The following CFAP47 variants were observed in gnomAD, a reference collection of about 807,000 sequenced individuals.
CFAP47 encodes cilia and flagella associated protein 47, also known as cilia- and flagella-associated protein 47.
A neutral mutation model predicts 148.1 loss-of-function variants in CFAP47; 29 were observed. The ratio of observed to expected loss-of-function variants is 0.20; its 90% confidence interval spans 0.15 to 0.27. The LOEUF is 0.27. CFAP47 is among the 10% of genes least tolerant of loss of function. CFAP47 has a pLI of 1.00. For synonymous variants in CFAP47, 664 were observed against 577.3 expected (o/e 1.15, Z -2.15); for missense variants, 1,872 against 1,697.5 (o/e 1.10, Z -1.81).
intron 30 of CFAP47, among the ~76,000 whole-genome samples, chrX:36,093,345 G>T (rs753697184): frequency 9.0e-6 from 1 of 111,263 alleles, no homozygotes; most frequent in Admixed American, 9.5e-5. Context: ...CTTTTCTCTG[G>T]AATGGTTGTA....
intron 45 of CFAP47, among the ~76,000 whole-genome samples, chrX:36,215,754 G>A (rs1255526349): frequency 9.0e-6 from 1 of 111,650 alleles, no homozygotes; most frequent in African/African-American, 3.3e-5. Flanking sequence ...CAGGCTGAAG[G>A]CAGCTGGTGC....
At chrX:36,042,114 A>G (rs1409022548) in intron 25 of CFAP47, among the ~76,000 whole-genome samples, 1 of 111,124 alleles carries the variant, frequency 9.0e-6, no homozygotes, top group East Asian at 2.8e-4. Context: ...TAAATCATTC[A>G]TGGAAAAACT....
intron 57 of CFAP47, among the ~76,000 whole-genome samples, chrX:36,335,457 TG>T (rs782385870): frequency 8.9e-6 from 1 of 111,865 alleles, no homozygotes; most frequent in South Asian, 3.7e-4. Flanking sequence ...CCAAGAACTA[TG>T]AATATTACCT....
intron 45 of CFAP47, among the ~76,000 whole-genome samples, chrX:36,216,411 C>T (rs1555990176): frequency 1.8e-5 from 2 of 111,457 alleles, no homozygotes; most frequent in African/African-American, 6.5e-5. Flanking sequence ...CCACCAGTCT[C>T]CCATGTCCTA....
chrX:36,033,433 T>C (rs1385083511), intron 23 of CFAP47, among the ~76,000 whole-genome samples: 1 of 111,932 alleles, frequency 8.9e-6, no homozygotes, highest in Non-Finnish European at 1.9e-5. Flanking sequence ...TAGATAACTG[T>C]ATCATTTCAT....
At chrX:36,022,056 CCTT>C (rs1406531579) in intron 22 of CFAP47, 3 of 110,984 alleles carry the variant, frequency 2.7e-5, no homozygotes, top group Non-Finnish European at 5.7e-5. Context: ...TTGTCTGTGT[CCTT>C]CTTATTCCCG....
chrX:36,046,290 A>G (rs1380321968), intron 25 of CFAP47, among the ~76,000 whole-genome samples: 1 of 110,677 alleles, frequency 9.0e-6, no homozygotes, highest in Non-Finnish European at 1.9e-5. Flanking sequence ...ACATATTTTT[A>G]TATTAAAAAT....
At chrX:36,043,743 C>A (rs1473304019) in intron 25 of CFAP47, among the ~76,000 whole-genome samples, 1 of 111,300 alleles carries the variant, frequency 9.0e-6, no homozygotes, top group Non-Finnish European at 1.9e-5. Context: ...ATGGTGCAAG[C>A]TGTTGGTGGT....
intron 25 of CFAP47, among the ~76,000 whole-genome samples, chrX:36,042,074 A>G (rs775144563): frequency 9.0e-6 from 1 of 111,522 alleles, no homozygotes; most frequent in Non-Finnish European, 1.9e-5. Context: ...ATTTTCATAG[A>G]CTGAGAATAA....
At position 36,384,920 on chromosome X, in the gene CFAP47, C is replaced by G; in HGVS notation, c.9478C>G (p.His3160Asp). The G allele has an allele frequency of 8.6e-7, 1 of 1,166,114 alleles. No homozygotes were observed. The highest frequency in any genetic ancestry group is 1.9e-5 in the South Asian group (1 of 52,691). The stretch of plus-strand genomic sequence containing the variant: ...ACATGACAACATGCCAGTCCGTCCA[C>G]ATAATTTTGTCCGTGAAAATACTAA... ...KTHDNMPVRP[H>D]NFVRENTKLI... The change falls in exon 64 of 64, where the codon CAT becomes GAT. Residue 3160 changes from histidine to aspartate, a missense_variant. By Grantham distance (81) the His-to-Asp change is moderately conservative (BLOSUM62 -1). Transcript: ENST00000378653.
chrX:36,155,718 G>T (rs1456433350), intron 37 of CFAP47, among the ~76,000 whole-genome samples: 1 of 110,914 alleles, frequency 9.0e-6, no homozygotes, highest in African/African-American at 3.3e-5. Context: ...TGTGGATAAG[G>T]CTATGTACCC....
chrX:35,971,904 A>T lies in CFAP47; in HGVS notation c.2193A>T (p.Pro731=). The change falls in exon 13 of 64, where the codon CCA becomes CCT. Residue 731 remains proline (P), a synonymous_variant. Coordinates refer to ENST00000378653, the MANE Select transcript of CFAP47 (RefSeq NM_001304548.2). ...GACTTAAATCAGAACCATCCACTCC[A>T]CAAGAAAAACATGATTGCAGCTTAA... The part of the protein sequence containing the change: ...LKGLKSEPST[P]QEKHDCSLML... 1 of 1,201,835 alleles carries T rather than the reference A, an allele frequency of 8.3e-7. No homozygotes were observed. The highest frequency in any genetic ancestry group is 3.0e-5 in the East Asian group (1 of 33,511).
intron 53 of CFAP47, among the ~76,000 whole-genome samples, chrX:36,302,790 T>C (rs1387140874): frequency 8.9e-6 from 1 of 112,104 alleles, no homozygotes; most frequent in African/African-American, 3.2e-5. Flanking sequence ...GAAAACTTCG[T>C]GCATTTATTA....
At chrX:36,371,557 A>ATGTGTATATATG (rs1941935232) in intron 62 of CFAP47, among the ~76,000 whole-genome samples, 2 of 101,598 alleles carry the variant, frequency 2.0e-5, no homozygotes, top group African/African-American at 7.1e-5. Context: ...GTGTATATAT[A>ATGTGTATATATG]TGTGTATATA....
intron 2 of CFAP47, among the ~76,000 whole-genome samples, chrX:35,934,427 T>G (rs748811793): frequency 9.0e-6 from 1 of 110,674 alleles, no homozygotes; most frequent in South Asian, 3.9e-4. Context: ...TGGTGAATGT[T>G]GTTTGGCCTG....
intron 16 of CFAP47, among the ~76,000 whole-genome samples, chrX:35,990,481 T>C (rs1260807182): frequency 9.1e-6 from 1 of 110,356 alleles, no homozygotes; most frequent in Non-Finnish European, 1.9e-5. Context: ...GGAGGGGGAG[T>C]CCTGACCTTA....
intron 2 of CFAP47, among the ~76,000 whole-genome samples, chrX:35,929,769 C>T (rs1935797751): frequency 9.0e-6 from 1 of 111,101 alleles, no homozygotes; most frequent in Admixed American, 9.6e-5. Context: ...GAGGCTGAGG[C>T]AGGCGGATCA....
chrX:35,948,478 A>C (rs778663632), intron 4 of CFAP47, 26 bp downstream of exon 4: 2 of 1,116,939 alleles, frequency 1.8e-6, no homozygotes. Flanking sequence ...GGTTCTAAAA[A>C]TTATAATACA....
intron 40 of CFAP47, among the ~76,000 whole-genome samples, chrX:36,181,312 G>A (rs16987403): frequency 0.076 from 8,416 of 111,204 alleles, 350 homozygotes; most frequent in African/African-American, 0.14. Flanking sequence ...TTCTGGGATT[G>A]TTGAAGCCAT....
Sources: gnomAD v4.1 joint callset for allele counts (sites outside exome capture counted in the v4.1 genomes callset) on GRCh38, gnomAD v4.1.1 for gene constraint, MANE v1.5 for transcripts, NCBI Gene and HGNC (gene_info 2026-07-23, HGNC 2026-07-21) for gene names.